ZC3H12B: variants seen among roughly 807,000 people sequenced by gnomAD.
The protein encoded by ZC3H12B is zinc finger CCCH-type containing 12B, also known as probable ribonuclease ZC3H12B.
ZC3H12B carries 7 observed loss-of-function variants against 43.9 expected under a neutral mutation model. The ratio of observed to expected loss-of-function variants is 0.16; its 90% CI spans 0.09 to 0.30. The LOEUF (loss-of-function observed/expected upper bound fraction) is 0.30. Among genes scored for constraint, ZC3H12B ranks in the 10% least tolerant of loss-of-function variants. ZC3H12B has a pLI of 1.00. For missense variants in ZC3H12B, 475 were observed against 670.2 expected, an observed-to-expected ratio of 0.71 and a Z score of 3.22; for synonymous variants, 222 against 241.7, an observed-to-expected ratio of 0.92 and a Z score of 0.76.
the ZC3H12B span, among the ~76,000 whole-genome samples, chrX:65,209,537 T>A: frequency 1.9e-5 from 2 of 102,871 alleles, no homozygotes; most frequent in African/African-American, 7.1e-5. Context: ...CACTGTGGTC[T>A]GAGAGATAGT....
chrX:65,161,672 C>T, the ZC3H12B span, among the ~76,000 whole-genome samples: 6 of 111,710 alleles, frequency 5.4e-5, no homozygotes, highest in Non-Finnish European at 9.4e-5. Flanking sequence ...AAGTGAGATG[C>T]GTTTCCTGAA....
At chrX:65,434,317 GT>G (rs1329337736) in intron 3 of ZC3H12B, among the ~76,000 whole-genome samples, 6 of 111,954 alleles carry the variant, frequency 5.4e-5, no homozygotes, top group African/African-American at 1.6e-4. Flanking sequence ...AAATGATTAG[GT>G]TTTAAGTGAC....
intron 3 of ZC3H12B, among the ~76,000 whole-genome samples, chrX:65,450,101 T>A (rs1397559181): frequency 9.3e-6 from 1 of 107,772 alleles, no homozygotes; most frequent in Non-Finnish European, 1.9e-5. Context: ...GGTCAGGAGT[T>A]CAAGACCAGC....
chrX:65,487,133 G>A (rs186194967), upstream of ZC3H12B, among the ~76,000 whole-genome samples: 2 of 112,903 alleles, frequency 1.8e-5, no homozygotes, highest in East Asian at 5.6e-4. Context: ...CTGCCTGAAT[G>A]TCGTTTCTGA....
the ZC3H12B span, among the ~76,000 whole-genome samples, chrX:65,076,777 A>G: frequency 1.8e-5 from 2 of 108,977 alleles, no homozygotes; most frequent in Non-Finnish European, 3.8e-5. Context: ...TAATTCCTAT[A>G]TCTTTGTTGA....
chrX:65,122,740 C>A, the ZC3H12B span, among the ~76,000 whole-genome samples: 5 of 111,118 alleles, frequency 4.5e-5, no homozygotes, highest in African/African-American at 1.6e-4. Context: ...CAATCCTAGT[C>A]TGTGATAAAA....
At chrX:65,417,726 C>G (rs1397217812) in intron 3 of ZC3H12B, among the ~76,000 whole-genome samples, 1 of 113,062 alleles carries the variant, frequency 8.8e-6, no homozygotes, top group Non-Finnish European at 1.9e-5. Flanking sequence ...GTAATCCCAG[C>G]CTTTTTGCGT....
chrX:65,201,741 T>C, the ZC3H12B span, among the ~76,000 whole-genome samples: 1 of 105,576 alleles, frequency 9.5e-6, no homozygotes, highest in Non-Finnish European at 1.9e-5. Context: ...TTTAGCTCTG[T>C]CCCCGCCACA....
At chrX:65,312,307 A>G in the ZC3H12B span, among the ~76,000 whole-genome samples, 2 of 111,513 alleles carry the variant, frequency 1.8e-5, no homozygotes, top group African/African-American at 6.5e-5. Flanking sequence ...GGAACAGACA[A>G]TACCTCTGGG....
At chrX:65,355,968 GA>G in the ZC3H12B span, among the ~76,000 whole-genome samples, 1 of 111,670 alleles carries the variant, frequency 9.0e-6, no homozygotes, top group African/African-American at 3.2e-5. Context: ...AACAAATAAA[GA>G]AATAAAATAA....
the ZC3H12B span, chrX:65,186,396 G>A: frequency 9.3e-6 from 1 of 107,474 alleles, no homozygotes; most frequent in African/African-American, 3.4e-5. Context: ...GGAGGTAGAG[G>A]CAGAAGAATC....
chrX:65,129,259 A>G, the ZC3H12B span, among the ~76,000 whole-genome samples: 5 of 87,971 alleles, frequency 5.7e-5, no homozygotes, highest in African/African-American at 1.5e-4. Flanking sequence ...GTATATATGT[A>G]TATATATATA....
the ZC3H12B span, among the ~76,000 whole-genome samples, chrX:65,135,031 A>G: frequency 9.0e-5 from 10 of 110,981 alleles, no homozygotes; most frequent in Non-Finnish European, 1.9e-4. Context: ...CACTTGCTTT[A>G]GACACCTGAT....
upstream of ZC3H12B, among the ~76,000 whole-genome samples, chrX:65,364,341 C>T (rs2066144129): frequency 1.9e-5 from 2 of 106,443 alleles, no homozygotes; most frequent in Admixed American, 1.0e-4. Flanking sequence ...GAGGTTTCCT[C>T]ACTACACAAG....
chrX:65,253,192 T>A, the ZC3H12B span, among the ~76,000 whole-genome samples: 4 of 110,240 alleles, frequency 3.6e-5, no homozygotes, highest in Admixed American at 9.6e-5. Context: ...CAGAGAGGAG[T>A]CATTGAGAAT....
At chrX:65,433,624 G>A (rs2067188304) in intron 3 of ZC3H12B, among the ~76,000 whole-genome samples, 1 of 111,708 alleles carries the variant, frequency 9.0e-6, no homozygotes, top group African/African-American at 3.3e-5. Flanking sequence ...CACAATTTTA[G>A]TCTCCTAGAA....
chrX:65,131,986 G>A, the ZC3H12B span, among the ~76,000 whole-genome samples: 4 of 111,762 alleles, frequency 3.6e-5, no homozygotes, highest in East Asian at 2.8e-4. Context: ...GAAAGAGCTT[G>A]GCTGAAGTAA....
chrX:65,150,186 T>C, the ZC3H12B span, among the ~76,000 whole-genome samples: 2 of 110,536 alleles, frequency 1.8e-5, no homozygotes, highest in Non-Finnish European at 3.8e-5. Context: ...TTATTACTTA[T>C]TTTTTTGCAC....
At chrX:65,133,814 G>A in the ZC3H12B span, among the ~76,000 whole-genome samples, 1 of 110,384 alleles carries the variant, frequency 9.1e-6, no homozygotes, top group African/African-American at 3.3e-5. Flanking sequence ...GGAACAGACA[G>A]GAGAGAAAGA....
Sources: allele counts gnomAD v4.1 joint callset (sites outside exome capture counted in the v4.1 genomes callset), GRCh38; gene constraint gnomAD v4.1.1; transcripts MANE v1.5; gene names NCBI Gene and HGNC (gene_info 2026-07-23, HGNC 2026-07-21).